The following DPYD variants were observed in gnomAD, a reference collection of about 807,000 sequenced individuals.
DPYD encodes the protein dihydropyrimidine dehydrogenase, also known as dihydropyrimidine dehydrogenase [NADP(+)].
DPYD carries 109 observed loss-of-function variants against 116.2 expected under a neutral mutation model. That is an observed-to-expected ratio of 0.94 (90% CI 0.80 to 1.10). DPYD has a LOEUF of 1.10. Ranked by LOEUF, DPYD falls within the 50% of genes least tolerant of loss-of-function variation. DPYD has a pLI of 0.00. For synonymous variants in DPYD, 440 were observed against 432.0 expected (o/e 1.02, Z -0.23); for missense variants, 1,302 against 1,254.5 (o/e 1.04, Z -0.57).
At chr1:97,691,888 A>T (rs1661028319) in intron 6 of DPYD, 90 bp from the exon 7 acceptor site, 5 of 976,502 alleles carry the variant, frequency 5.1e-6, no homozygotes, top group Non-Finnish European at 8.2e-6. Flanking sequence ...GTCTTTATGG[A>T]TTAGTAGAAA....
At chr1:97,148,178 C>G (rs1015543775) in intron 20 of DPYD, among the ~76,000 whole-genome samples, 1 of 151,332 alleles carries the variant, frequency 6.6e-6, no homozygotes, top group African/African-American at 2.4e-5. Flanking sequence ...GTCTCTGTCT[C>G]TGGGGCACTG....
intron 3 of DPYD, among the ~76,000 whole-genome samples, chr1:97,808,945 T>C (rs938898117): frequency 1.3e-5 from 2 of 152,204 alleles, no homozygotes; most frequent in Admixed American, 1.3e-4. Context: ...TTATTTATTT[T>C]CTGACCTATG....
chr1:97,269,806 T>A (rs189018536), intron 18 of DPYD, among the ~76,000 whole-genome samples: 1 of 152,278 alleles, frequency 6.6e-6, no homozygotes, highest in African/African-American at 2.4e-5. Context: ...ACAGGCTTTA[T>A]CTCCAAATAC....
At chr1:97,699,276 T>G in intron 6 of DPYD, 75 bp downstream of exon 6, 1 of 1,457,754 alleles carries the variant, frequency 6.9e-7, no homozygotes, top group South Asian at 1.1e-5. Flanking sequence ...TATATGATTA[T>G]GAACCAACAA....
At chr1:97,134,015 ATATATATATATATATATATATATATAT>A (rs1241797568) in intron 20 of DPYD, among the ~76,000 whole-genome samples, 828 of 19,002 alleles carry the variant, frequency 0.044, 104 homozygotes, top group African/African-American at 0.07. Flanking sequence ...AAAAAAAAAA[ATATATATATATATATATATATATATAT>A]ATATATATAT....
chr1:97,547,798 A>C (rs1000892384), intron 12 of DPYD, among the ~76,000 whole-genome samples: 1 of 152,214 alleles, frequency 6.6e-6, no homozygotes, highest in Middle Eastern at 3.4e-3. Context: ...CTCCCACCTC[A>C]GTCTCCCAAT....
intron 5 of DPYD, among the ~76,000 whole-genome samples, chr1:97,699,935 G>C (rs947987306): frequency 6.6e-6 from 1 of 152,070 alleles, no homozygotes; most frequent in Non-Finnish European, 1.5e-5. Context: ...CATGTCACAT[G>C]TAAACACATT....
At chr1:97,404,173 C>T (rs57380772) in intron 14 of DPYD, among the ~76,000 whole-genome samples, 28,971 of 151,564 alleles carry the variant, frequency 0.19, 2,875 homozygotes, top group South Asian at 0.36. Flanking sequence ...TGATTTCTGT[C>T]CTTTTAAAAT....
intron 11 of DPYD, among the ~76,000 whole-genome samples, chr1:97,572,390 A>G (rs1652962735): frequency 6.6e-6 from 1 of 151,956 alleles, no homozygotes; most frequent in Non-Finnish European, 1.5e-5. Context: ...TTCTGAGCCA[A>G]ATCTGTTCAG....
intron 16 of DPYD, among the ~76,000 whole-genome samples, chr1:97,368,186 A>G (rs139597056): frequency 9.6e-4 from 146 of 152,254 alleles, no homozygotes; most frequent in African/African-American, 3.2e-3. Flanking sequence ...TGATACGCCA[A>G]AATAACACAG....
At chr1:97,565,081 T>A (rs142604211) in intron 11 of DPYD, among the ~76,000 whole-genome samples, 1 of 152,118 alleles carries the variant, frequency 6.6e-6, no homozygotes, top group Non-Finnish European at 1.5e-5. Context: ...CATCTGAGCA[T>A]AGGTTCTCAG....
At chr1:97,520,052 C>G (rs1184294859) in intron 12 of DPYD, among the ~76,000 whole-genome samples, 1 of 152,108 alleles carries the variant, frequency 6.6e-6, no homozygotes, top group African/African-American at 2.4e-5. Flanking sequence ...CTTAAAATTT[C>G]TTTGCATGGC....
intron 1 of DPYD, among the ~76,000 whole-genome samples, chr1:97,897,549 CTT>C (rs897720905): frequency 9.2e-5 from 14 of 151,932 alleles, no homozygotes; most frequent in Admixed American, 2.0e-4. Flanking sequence ...CACTGATAGT[CTT>C]TTCATTTTTT....
intron 1 of DPYD, among the ~76,000 whole-genome samples, chr1:97,911,397 T>C (rs1044574060): frequency 6.6e-6 from 1 of 152,126 alleles, no homozygotes; most frequent in Non-Finnish European, 1.5e-5. Context: ...GCCTTAAGCA[T>C]ACCAATGTCT....
chr1:97,592,606 A>T (rs1462653688), intron 10 of DPYD, among the ~76,000 whole-genome samples: 2 of 152,122 alleles, frequency 1.3e-5, no homozygotes, highest in Non-Finnish European at 2.9e-5. Flanking sequence ...TGACCTTGTG[A>T]TCCGCCGGCC....
At chr1:97,686,501 G>A (rs190759844) in intron 7 of DPYD, among the ~76,000 whole-genome samples, 12,068 of 151,028 alleles carry the variant, frequency 0.08, 611 homozygotes, top group Middle Eastern at 0.11. Flanking sequence ...GCCGGGCGTG[G>A]TAGCGGGAGC....
intron 3 of DPYD, among the ~76,000 whole-genome samples, chr1:97,751,484 A>G (rs1211935969): frequency 2.3e-5 from 3 of 129,560 alleles, no homozygotes; most frequent in South Asian, 2.5e-4. Context: ...ATATATATAT[A>G]TATATATATA....
chr1:97,287,098 G>C (rs1427192092), intron 18 of DPYD, among the ~76,000 whole-genome samples: 2 of 152,108 alleles, frequency 1.3e-5, no homozygotes. Flanking sequence ...GTACAGATGG[G>C]TTTTTGGTGT....
chr1:97,327,309 T>C (rs1668759241), intron 16 of DPYD, among the ~76,000 whole-genome samples: 1 of 152,072 alleles, frequency 6.6e-6, no homozygotes. Context: ...TTCCAATGAA[T>C]ATCTTTCTTA....
Sources: allele counts gnomAD v4.1 joint callset (sites outside exome capture counted in the v4.1 genomes callset), GRCh38; gene constraint gnomAD v4.1.1; transcripts MANE v1.5; gene names NCBI Gene and HGNC (gene_info 2026-07-23, HGNC 2026-07-21).